Variants in NECTIN3 observed in about 807,000 individuals in gnomAD.
The protein encoded by NECTIN3 is nectin cell adhesion molecule 3.
NECTIN3 carries 8 observed loss-of-function variants against 49.4 expected under a neutral mutation model. The ratio of observed to expected loss-of-function variants is 0.16; its 90% CI spans 0.10 to 0.29. The LOEUF is 0.29. NECTIN3 is among the 10% of genes least tolerant of loss of function. NECTIN3 has a pLI of 1.00. For missense variants in NECTIN3, 581 were observed against 654.6 expected (o/e 0.89, Z 1.23); for synonymous variants, 277 against 241.1 (o/e 1.15, Z -1.38).
intron 5 of NECTIN3, among the ~76,000 whole-genome samples, chr3:111,130,305 A>G (rs1460992630): frequency 6.7e-6 from 1 of 148,510 alleles, no homozygotes; most frequent in African/African-American, 2.5e-5. Flanking sequence ...TTACTTTTCT[A>G]TCCAGAGTCT....
At chr3:111,133,538 T>C (rs2107493469) in intron 5 of NECTIN3, 97 bp from the exon 6 acceptor site, 1 of 1,437,966 alleles carries the variant, frequency 7.0e-7, no homozygotes, top group East Asian at 2.5e-5. Flanking sequence ...GAATATATAT[T>C]CATTAACTGT....
rs925619291 is a variant in NECTIN3 at position 111,118,808 on chromosome 3, T to A, written c.655T>A (p.Ser219Thr). Reference protein sequence around the residue: ...DLGEMESTTTSFPNETATIIS... With the variant: ...DLGEMESTTTTFPNETATIIS... Reference sequence around the variant, plus strand: ...TGGTGAAATGGAATCCACTACAACTTCTTTTCCAAATGAAACGGCAACGAT... The same window carrying A: ...TGGTGAAATGGAATCCACTACAACTACTTTTCCAAATGAAACGGCAACGAT... Residue 219 changes from serine (S) to threonine (T), a missense_variant, in exon 3 of 6, where the codon TCT becomes ACT. Transcript: ENST00000485303. 3 of 1,614,076 alleles carry A rather than the reference T, an allele frequency of 1.9e-6. No homozygotes were observed. The highest frequency in any genetic ancestry group is 1.6e-4 in the Middle Eastern group (1 of 6,062).
At chr3:111,193,626 C>T in intron 1 of NECTIN3, 1 of 483,758 alleles carries the variant, frequency 2.1e-6, no homozygotes, top group Non-Finnish European at 3.7e-6. Flanking sequence ...TGGTATTTAA[C>T]TGCTAACATT....
rs1576152824 is a variant in NECTIN3 at position 111,136,509 on chromosome 3, G to A, written c.*2294G>A. 3.1e-6 allele frequency: 3 copies of A among 981,622 alleles called. No individual in the cohort carries two copies. In the South Asian group the frequency reaches 1.4e-4, roughly 46 times the overall value. 60.8% of individuals were successfully genotyped at this position (981,622 alleles called of 1,614,324 possible). On this transcript the variant is annotated 3_prime_UTR_variant, in exon 6 of 6. Transcript: ENST00000485303. ...CTGATACTAGTGCTTAAGACTTTGG[G>A]AAGCATTGCACTGTTGTTTATTAGA...
intron 1 of NECTIN3, among the ~76,000 whole-genome samples, chr3:111,091,257 GTTTA>G (rs1175123356): frequency 1.3e-5 from 2 of 151,860 alleles, no homozygotes; most frequent in South Asian, 2.1e-4. Flanking sequence ...TCTTTTATTT[GTTTA>G]TTTATTTTTT....
Position 111,136,491 on chromosome 3 carries a change from T to C in NECTIN3, c.*2276T>C. ...TTTCTGTGTTGTAAGAATCTGATAC[T>C]AGTGCTTAAGACTTTGGGAAGCATT... On this transcript the variant is annotated 3_prime_UTR_variant, in exon 6 of 6. Coordinates refer to ENST00000485303, the MANE Select transcript of NECTIN3 (RefSeq NM_015480.3). 1 of 983,572 alleles carries C rather than the reference T, an allele frequency of 1.0e-6. No individual in the cohort carries two copies. Among genetic ancestry groups the C allele is most frequent in the Non-Finnish European group, 1.2e-6 (1 of 828,420 alleles). 60.9% of individuals were successfully genotyped at this position (983,572 alleles called of 1,614,324 possible).
intron 7 of NECTIN3, among the ~76,000 whole-genome samples, chr3:111,168,832 C>T (rs950181626): frequency 6.6e-6 from 1 of 152,144 alleles, no homozygotes; most frequent in African/African-American, 2.4e-5. Flanking sequence ...TGCCTTTTAG[C>T]ATATGTCTGG....
intron 2 of NECTIN3, among the ~76,000 whole-genome samples, chr3:111,116,539 C>T (rs1468932758): frequency 6.6e-6 from 1 of 151,992 alleles, no homozygotes; most frequent in Non-Finnish European, 1.5e-5. Context: ...GATTAGGGGT[C>T]TTTGATGACA....
At chr3:111,075,318 TCTTCTTC>T (rs1184543844) in intron 1 of NECTIN3, 3 of 152,140 alleles carry the variant, frequency 2.0e-5, no homozygotes, top group Admixed American at 6.6e-5. Flanking sequence ...TATTGAGATG[TCTTCTTC>T]CTTCCCTGTC....
chr3:111,150,528 G>A (rs374237189), intron 7 of NECTIN3, among the ~76,000 whole-genome samples: 2 of 151,850 alleles, frequency 1.3e-5, no homozygotes, highest in East Asian at 3.8e-4. Context: ...TATGCATAAA[G>A]TACTTGTATG....
chr3:111,177,001 G>A (rs914802187), intron 7 of NECTIN3, among the ~76,000 whole-genome samples: 1 of 151,982 alleles, frequency 6.6e-6, no homozygotes, highest in African/African-American at 2.4e-5. Context: ...GATTTTAGGC[G>A]GCCTTTTCTG....
At chr3:111,131,018 A>G (rs2034368125) in intron 5 of NECTIN3, among the ~76,000 whole-genome samples, 1 of 152,108 alleles carries the variant, frequency 6.6e-6, no homozygotes, top group African/African-American at 2.4e-5. Flanking sequence ...TGTAGTTTCA[A>G]ACTTAAGAAT....
At chr3:111,126,969 A>G (rs2034185924) in intron 5 of NECTIN3, among the ~76,000 whole-genome samples, 1 of 152,188 alleles carries the variant, frequency 6.6e-6, no homozygotes, top group Admixed American at 6.5e-5. Context: ...TTCGTAAAAT[A>G]GAGAGCTAAA....
At chr3:111,175,528 A>G (rs80161368) in intron 7 of NECTIN3, among the ~76,000 whole-genome samples, 7 of 152,222 alleles carry the variant, frequency 4.6e-5, no homozygotes, top group African/African-American at 1.7e-4. Context: ...AAATTCCTGG[A>G]GGACAGGGCC....
Position 111,167,851 on chromosome 3 carries a change from G to A in NECTIN3, c.1221+20367G>A, listed in dbSNP as rs557246833. Among the ~76,000 whole-genome samples the A allele has an allele frequency of 5.3e-5, 8 of 152,260 alleles. No individual in the cohort carries two copies. The South Asian group carries it at 1.7e-3, about 32-fold the overall frequency. On this transcript the variant is annotated intron_variant, in intron 7 of 8. Coordinates refer to the NECTIN3 transcript ENST00000493615. The stretch of plus-strand genomic sequence containing the variant: ...TTTTCACAACAAAAAGATTAGGACA[G>A]CATTATAATCTTAGGCAACTCACTT...
chr3:111,169,375 C>CTTTTT (rs59239398), intron 7 of NECTIN3, among the ~76,000 whole-genome samples: 2 of 114,596 alleles, frequency 1.7e-5, no homozygotes, highest in African/African-American at 3.2e-5. Flanking sequence ...CAAACGCAAA[C>CTTTTT]TTTTTTTTTT....
At chr3:111,106,837 A>G (rs1001096243) in intron 1 of NECTIN3, among the ~76,000 whole-genome samples, 2 of 152,160 alleles carry the variant, frequency 1.3e-5, no homozygotes, top group South Asian at 2.1e-4. Context: ...TGTTTCTTTT[A>G]TAGCATATTT....
At chr3:111,162,266 G>T (rs916572728) in intron 7 of NECTIN3, among the ~76,000 whole-genome samples, 1 of 152,088 alleles carries the variant, frequency 6.6e-6, no homozygotes, top group Non-Finnish European at 1.5e-5. Context: ...GATATGGTTT[G>T]GCAGTGTCCC....
intron 1 of NECTIN3, among the ~76,000 whole-genome samples, chr3:111,087,937 A>G (rs980684654): frequency 3.9e-5 from 6 of 151,962 alleles, no homozygotes; most frequent in African/African-American, 9.7e-5. Flanking sequence ...ACCTCAAGCA[A>G]TCTACCCTCC....
Sources: gnomAD v4.1 joint callset for allele counts (sites outside exome capture counted in the v4.1 genomes callset) on GRCh38, gnomAD v4.1.1 for gene constraint, MANE v1.5 for transcripts, NCBI Gene and HGNC (gene_info 2026-07-23, HGNC 2026-07-21) for gene names.